Variants in INSC observed in about 807,000 individuals in gnomAD.
INSC encodes the protein INSC spindle orientation adaptor protein, also known as protein inscuteable homolog.
In INSC, 67 loss-of-function variants were observed where a neutral mutation model predicts 58.6. The ratio of observed to expected loss-of-function variants is 1.14; its 90% confidence interval spans 0.94 to 1.40. The LOEUF is 1.40. Among genes scored for constraint, INSC ranks in the 40% most tolerant of loss-of-function variants. The pLI is 0.00. For synonymous variants in INSC, 262 were observed against 276.1 expected, an observed-to-expected ratio of 0.95 and a Z score of 0.51; for missense variants, 714 against 692.0, an observed-to-expected ratio of 1.03 and a Z score of -0.36.
At chr11:15,205,976 A>C (rs1010478505) in intron 7 of INSC, among the ~76,000 whole-genome samples, 7 of 152,156 alleles carry the variant, frequency 4.6e-5, no homozygotes, top group African/African-American at 1.7e-4. Flanking sequence ...AGTGTCTGAC[A>C]GGCGTTTTGA....
chr11:15,268,446 A>G, the INSC span, among the ~76,000 whole-genome samples: 1 of 152,100 alleles, frequency 6.6e-6, no homozygotes, highest in East Asian at 1.9e-4. Flanking sequence ...ATTTAAATAG[A>G]TATGATTCTC....
chr11:15,145,528 A>T (rs1233184614), intron 1 of INSC, among the ~76,000 whole-genome samples: 1 of 152,142 alleles, frequency 6.6e-6, no homozygotes, highest in Non-Finnish European at 1.5e-5. Context: ...CAGACTGAAG[A>T]TGGAACTTTG....
the INSC span, among the ~76,000 whole-genome samples, chr11:15,265,828 CT>C: frequency 0.73 from 93,845 of 128,676 alleles, 33,376 homozygotes; most frequent in Middle Eastern, 0.82. Context: ...ATTGTTCTTG[CT>C]TTTTTTTTTT....
chr11:15,113,154 T>G (rs1275191901), upstream of INSC, among the ~76,000 whole-genome samples: 1 of 149,550 alleles, frequency 6.7e-6, no homozygotes, highest in Non-Finnish European at 1.5e-5. Context: ...TCTGTCTCTC[T>G]CTCTCTCTCT....
At chr11:15,155,234 A>G (rs1253830164) in intron 2 of INSC, among the ~76,000 whole-genome samples, 1 of 152,172 alleles carries the variant, frequency 6.6e-6, no homozygotes, top group Non-Finnish European at 1.5e-5. Flanking sequence ...TCCTTTGCAC[A>G]TGGTGTTTCT....
At chr11:15,172,634 G>A (rs1284638368) in intron 2 of INSC, among the ~76,000 whole-genome samples, 1 of 152,206 alleles carries the variant, frequency 6.6e-6, no homozygotes, top group African/African-American at 2.4e-5. Context: ...TGCAGGGTGA[G>A]TAGAAACTTG....
At chr11:15,196,793 T>A (rs1226453490) in intron 6 of INSC, among the ~76,000 whole-genome samples, 1 of 152,178 alleles carries the variant, frequency 6.6e-6, no homozygotes, top group Admixed American at 6.5e-5. Flanking sequence ...TGATCCTCTG[T>A]GGTAGGCAGG....
intron 2 of INSC, among the ~76,000 whole-genome samples, chr11:15,153,425 CAT>C (rs1848712628): frequency 6.6e-6 from 1 of 152,214 alleles, no homozygotes. Context: ...AGCTTGTCTC[CAT>C]GTAGATAATG....
chr11:15,120,832 C>T (rs558974415), intron 1 of INSC, among the ~76,000 whole-genome samples: 2 of 152,146 alleles, frequency 1.3e-5, no homozygotes, highest in East Asian at 3.9e-4. Flanking sequence ...TTATGTCACT[C>T]TAAATTTTGA....
At chr11:15,166,066 G>T (rs1344585140) in intron 2 of INSC, among the ~76,000 whole-genome samples, 3 of 152,170 alleles carry the variant, frequency 2.0e-5, no homozygotes, top group Non-Finnish European at 2.9e-5. Flanking sequence ...AGTGTCAATA[G>T]TGTTTCATTG....
intron 1 of INSC, among the ~76,000 whole-genome samples, chr11:15,128,033 C>A (rs1188154343): frequency 6.6e-6 from 1 of 151,784 alleles, no homozygotes; most frequent in Non-Finnish European, 1.5e-5. Context: ...GAGTTCTAAT[C>A]TGGGTTCTAC....
At chr11:15,133,936 G>A (rs554550617) in intron 1 of INSC, among the ~76,000 whole-genome samples, 162 of 152,288 alleles carry the variant, frequency 1.1e-3, no homozygotes, top group African/African-American at 3.6e-3. Flanking sequence ...TCTTGTATGA[G>A]TTTACTTTAT....
intron 1 of INSC, among the ~76,000 whole-genome samples, chr11:15,143,261 G>GGAC (rs890579694): frequency 2.6e-5 from 4 of 152,122 alleles, no homozygotes; most frequent in Admixed American, 6.5e-5. Context: ...AATACCGAGG[G>GGAC]GACTAGGGAA....
chr11:15,188,150 A>G, intron 5 of INSC: 1 of 983,746 alleles, frequency 1.0e-6, no homozygotes, highest in Non-Finnish European at 1.2e-6. Context: ...CCTTGGCAAG[A>G]ATACAGGGCA....
intron 1 of INSC, among the ~76,000 whole-genome samples, chr11:15,125,116 C>A (rs980459315): frequency 6.6e-6 from 1 of 152,118 alleles, no homozygotes; most frequent in Non-Finnish European, 1.5e-5. Context: ...TATATTTATA[C>A]AGGGTCAGGA....
At chr11:15,229,702 T>C (rs1429272773) in intron 9 of INSC, among the ~76,000 whole-genome samples, 1 of 151,366 alleles carries the variant, frequency 6.6e-6, no homozygotes, top group Admixed American at 6.6e-5. Flanking sequence ...AGACAGGGAA[T>C]GTAAGCTTTG....
At chr11:15,180,694 C>T (rs113781029) in intron 5 of INSC, among the ~76,000 whole-genome samples, 17 of 41,836 alleles carry the variant, frequency 4.1e-4, no homozygotes, top group South Asian at 2.9e-3. Context: ...AGGGGGGGGG[C>T]GGGGGGGGGT....
chr11:15,155,115 A>G (rs1276743552), intron 2 of INSC, among the ~76,000 whole-genome samples: 1 of 152,202 alleles, frequency 6.6e-6, no homozygotes, highest in African/African-American at 2.4e-5. Context: ...GGATCCTAGC[A>G]TTCTAACATT....
At chr11:15,112,488 A>C (rs778851094), upstream of INSC, 1 of 1,610,994 alleles carries the variant, frequency 6.2e-7, no homozygotes, top group Admixed American at 1.7e-5. Context: ...GCCCCCTGGC[A>C]ATGGAGAGGC....
Sources: allele counts gnomAD v4.1 joint callset (sites outside exome capture counted in the v4.1 genomes callset), GRCh38; gene constraint gnomAD v4.1.1; transcripts MANE v1.5; gene names NCBI Gene and HGNC (gene_info 2026-07-23, HGNC 2026-07-21).